GTF2E2: variants seen among roughly 807,000 people sequenced by gnomAD.
GTF2E2 encodes the protein transcription initiation factor IIE subunit beta.
A neutral mutation model predicts 40.5 loss-of-function variants in GTF2E2; 21 were observed. The observed-to-expected ratio is 0.52, with a 90% CI of 0.37 to 0.75. GTF2E2 has a LOEUF of 0.75. Among genes scored for constraint, GTF2E2 ranks in the 30% least tolerant of loss-of-function variants. The pLI, the probability that GTF2E2 is intolerant of heterozygous loss-of-function variation, is 0.00. For synonymous variants in GTF2E2, 117 were observed against 121.6 expected (o/e 0.96, Z 0.25); for missense variants, 298 against 338.4 (o/e 0.88, Z 0.94).
chr8:30,637,402 A>C (rs1801639746), intron 2 of GTF2E2: 1 of 408,544 alleles, frequency 2.4e-6, no homozygotes, highest in Non-Finnish European at 4.8e-6. Flanking sequence ...ACTCAATGTC[A>C]AGCTTAGTAA....
At chr8:30,582,362 A>G (rs1828539812) in intron 6 of GTF2E2, among the ~76,000 whole-genome samples, 1 of 152,264 alleles carries the variant, frequency 6.6e-6, no homozygotes, top group Non-Finnish European at 1.5e-5. Context: ...CTTTTAAAAA[A>G]TAATTTTACA....
chr8:30,638,121 C>T (rs1213210631), intron 2 of GTF2E2, among the ~76,000 whole-genome samples: 1 of 152,132 alleles, frequency 6.6e-6, no homozygotes. Flanking sequence ...AATCAAACCA[C>T]CACATGGAAA....
chr8:30,620,824 G>A (rs1318246145), intron 3 of GTF2E2, among the ~76,000 whole-genome samples: 1 of 151,792 alleles, frequency 6.6e-6, no homozygotes, highest in Non-Finnish European at 1.5e-5. Context: ...AGCTGCTGAA[G>A]AGGCTGAGGC....
chr8:30,596,476 T>C (rs1829009826), intron 6 of GTF2E2, among the ~76,000 whole-genome samples: 1 of 152,230 alleles, frequency 6.6e-6, no homozygotes, highest in African/African-American at 2.4e-5. Context: ...ATCTCTCTGC[T>C]GAAATATCCT....
intron 3 of GTF2E2, among the ~76,000 whole-genome samples, chr8:30,629,782 A>C (rs1801388253): frequency 6.6e-6 from 1 of 152,090 alleles, no homozygotes; most frequent in Non-Finnish European, 1.5e-5. Context: ...TGCATTTCTA[A>C]CAAGTTCCCA....
At chr8:30,654,646 C>A (rs1802398801) in intron 1 of GTF2E2, among the ~76,000 whole-genome samples, 1 of 152,152 alleles carries the variant, frequency 6.6e-6, no homozygotes, top group Non-Finnish European at 1.5e-5. Context: ...CTCAAGCAAT[C>A]CTCCTACCTC....
In GTF2E2 at chr8:30,634,970, C is replaced by T. The variant is rs113666458; in HGVS notation, c.258+62G>A. ...TACAGAAATTTAACTTCTGAAAACC[C>T]TAATCTCCTTCTTTTGCCAAAAAGT... is the stretch of plus-strand genomic sequence containing the variant. On this transcript the variant is annotated intron_variant, in intron 3 of 7. Transcript: ENST00000355904. The T allele has an allele frequency of 3.6e-3, 3,131 of 870,610 alleles. 74 individuals carry two copies. The African/African-American group carries it at 0.045, about 12-fold the overall frequency. 53.9% of individuals were successfully genotyped at this position (870,610 alleles called of 1,614,324 possible).
intron 3 of GTF2E2, among the ~76,000 whole-genome samples, chr8:30,625,306 G>A (rs202021877): frequency 3.9e-5 from 6 of 151,964 alleles, no homozygotes; most frequent in Non-Finnish European, 8.8e-5. Flanking sequence ...TTATATGCTG[G>A]ATTACGTTTA....
At position 30,579,064 on chromosome 8, in the gene GTF2E2, AAAC is replaced by A. The variant is rs781418792; in HGVS notation, c.760-30_760-28del. 15 of 1,150,662 alleles carry A rather than the reference AAAC, an allele frequency of 1.3e-5. No individual in the cohort carries two copies. In the African/African-American group the frequency reaches 1.8e-4, roughly 14 times the overall value. 71.3% of individuals were successfully genotyped at this position (1,150,662 alleles called of 1,614,324 possible). On this transcript the variant is annotated intron_variant, in intron 7 of 7. Transcript: ENST00000355904. ...TAAAGGAAAAGGTAAAAACAATTAG[AAAC>A]AACAGCTGCTCTGAGGGGTGGTGTG...
chr8:30,588,051 T>A (rs1828734661), intron 6 of GTF2E2, among the ~76,000 whole-genome samples: 1 of 152,140 alleles, frequency 6.6e-6, no homozygotes, highest in Admixed American at 6.5e-5. Context: ...AGAATGGTTA[T>A]CCTCAAAAAG....
intron 4 of GTF2E2, among the ~76,000 whole-genome samples, chr8:30,614,120 T>C (rs1400501084): frequency 2.6e-5 from 4 of 152,204 alleles, no homozygotes; most frequent in Admixed American, 1.3e-4. Context: ...CAATGACTTC[T>C]TTACAACTAT....
intron 6 of GTF2E2, among the ~76,000 whole-genome samples, chr8:30,588,499 A>G (rs1226346167): frequency 6.6e-6 from 1 of 152,192 alleles, no homozygotes. Context: ...TTTCACCTCT[A>G]CGTGGAATCT....
At chr8:30,606,126 T>C (rs1829310345) in intron 6 of GTF2E2, among the ~76,000 whole-genome samples, 1 of 152,248 alleles carries the variant, frequency 6.6e-6, no homozygotes, top group East Asian at 1.9e-4. Context: ...ACTTGCTTTG[T>C]TATATAAAAG....
Position 30,624,389 on chromosome 8 carries a change from G to C in GTF2E2, c.259-9674C>G, listed in dbSNP as rs551402418. 1.8e-4 allele frequency among the ~76,000 whole-genome samples: 28 copies of C among 152,218 alleles called. 1 individual carries two copies. In the South Asian group the frequency reaches 5.8e-3, roughly 32 times the overall value. ...GGTCTGTATCTCTGTTTTGGTACCA[G>C]TACCATGCTGTTTTGGTTACTGTAG... On this transcript the variant is annotated intron_variant, in intron 3 of 7. Coordinates refer to ENST00000355904, the MANE Select transcript of GTF2E2 (RefSeq NM_002095.6).
At chr8:30,645,448 G>T (rs748620452) in intron 2 of GTF2E2, 30 of 1,535,480 alleles carry the variant, frequency 2.0e-5, no homozygotes, top group Non-Finnish European at 2.4e-5. Flanking sequence ...ATTTACAGTG[G>T]TATCTTTAGT....
At chr8:30,601,234 C>T (rs1451991954) in intron 6 of GTF2E2, among the ~76,000 whole-genome samples, 2 of 152,158 alleles carry the variant, frequency 1.3e-5, no homozygotes, top group Non-Finnish European at 2.9e-5. Flanking sequence ...CCATTCTACC[C>T]GCTCAGCCTG....
intron 3 of GTF2E2, among the ~76,000 whole-genome samples, chr8:30,630,119 T>G (rs748892173): frequency 6.6e-6 from 1 of 152,190 alleles, no homozygotes; most frequent in Non-Finnish European, 1.5e-5. Flanking sequence ...AAATAAACCA[T>G]AAAGTTCCTC....
chr8:30,650,337 C>T (rs531217893), intron 2 of GTF2E2, among the ~76,000 whole-genome samples: 81 of 152,150 alleles, frequency 5.3e-4, no homozygotes, highest in African/African-American at 1.8e-3. Context: ...AGAGTGAGAA[C>T]ATGCTCATCT....
intron 4 of GTF2E2, among the ~76,000 whole-genome samples, chr8:30,613,869 T>TA (rs1800819261): frequency 6.6e-6 from 1 of 152,204 alleles, no homozygotes; most frequent in African/African-American, 2.4e-5. Flanking sequence ...CAAATTAGCA[T>TA]GGTCACTGAC....
Sources: allele counts gnomAD v4.1 joint callset (sites outside exome capture counted in the v4.1 genomes callset), GRCh38; gene constraint gnomAD v4.1.1; transcripts MANE v1.5; gene names NCBI Gene and HGNC (gene_info 2026-07-23, HGNC 2026-07-21).